Variants in PHF21A observed in about 807,000 individuals in gnomAD.
The protein encoded by PHF21A is BHC80a.
Under a neutral mutation model 82.5 loss-of-function variants are expected in PHF21A, and 11 were observed. That is an observed-to-expected ratio of 0.13 (90% CI 0.08 to 0.22). The LOEUF (loss-of-function observed/expected upper bound fraction) is 0.22. PHF21A is among the 10% of genes least tolerant of loss of function. The pLI, the probability that PHF21A is intolerant of heterozygous loss-of-function variation, is 1.00. For synonymous variants in PHF21A, 297 were observed against 302.8 expected, an observed-to-expected ratio of 0.98 and a Z score of 0.20; for missense variants, 579 against 837.8, an observed-to-expected ratio of 0.69 and a Z score of 3.81.
intron 15 of PHF21A, among the ~76,000 whole-genome samples, chr11:45,941,965 G>C (rs1014859335): frequency 2.0e-5 from 3 of 152,182 alleles, no homozygotes; most frequent in Non-Finnish European, 2.9e-5. Flanking sequence ...ATTATACCAA[G>C]TCCCTCAAAA....
intron 1 of PHF21A, chr11:46,116,683 G>A (rs1485390381): frequency 6.6e-6 from 1 of 152,054 alleles, no homozygotes; most frequent in Non-Finnish European, 1.5e-5. Context: ...AAAAATTTAG[G>A]CCGGGCGTGG....
intron 6 of PHF21A, among the ~76,000 whole-genome samples, chr11:46,016,366 G>T (rs919781831): frequency 6.6e-6 from 1 of 151,952 alleles, no homozygotes; most frequent in Non-Finnish European, 1.5e-5. Context: ...ACTATACTTC[G>T]CCTCCCATTA....
intron 6 of PHF21A, among the ~76,000 whole-genome samples, chr11:46,037,180 C>T (rs1054953851): frequency 1.3e-5 from 2 of 152,152 alleles, no homozygotes; most frequent in African/African-American, 4.8e-5. Context: ...ATTCGGTGCA[C>T]ATCCCTACCA....
At chr11:46,070,348 T>C (rs2096641774) in intron 6 of PHF21A, among the ~76,000 whole-genome samples, 1 of 152,182 alleles carries the variant, frequency 6.6e-6, no homozygotes, top group African/African-American at 2.4e-5. Flanking sequence ...TTTTTTTTTT[T>C]TGAGACGAGT....
At chr11:46,079,868 G>A (rs565694983) in intron 4 of PHF21A, among the ~76,000 whole-genome samples, 2 of 150,002 alleles carry the variant, frequency 1.3e-5, no homozygotes, top group Admixed American at 1.3e-4. Context: ...GGAAAGGAAA[G>A]GAAAGAGGAA....
intron 3 of PHF21A, among the ~76,000 whole-genome samples, 184 bp from the exon 4 acceptor site, chr11:46,084,486 T>G (rs1170266715): frequency 6.6e-6 from 1 of 151,816 alleles, no homozygotes; most frequent in African/African-American, 2.4e-5. Flanking sequence ...TTCAAATAAC[T>G]AAGAAATGAA....
At chr11:46,021,287 C>T (rs1303774277) in intron 6 of PHF21A, among the ~76,000 whole-genome samples, 2 of 152,108 alleles carry the variant, frequency 1.3e-5, no homozygotes, top group Non-Finnish European at 2.9e-5. Flanking sequence ...GTCTTGAACT[C>T]GTGGTCTCAA....
Position 46,092,532 on chromosome 11 carries a change from CA to C in PHF21A, c.-236-310del, listed in dbSNP as rs1018132736. ...AAATGCACCTCATTTAAATAACATA[CA>C]ACTACTCCTTCATCCCCAACAAGTG... On this transcript the variant is annotated intron_variant, in intron 1 of 18. Transcript: ENST00000676320. Among the ~76,000 whole-genome samples, 4 of 152,254 alleles carry C rather than the reference CA, an allele frequency of 2.6e-5. No homozygotes were observed. In the East Asian group the frequency reaches 5.8e-4, roughly 22 times the overall value.
intron 6 of PHF21A, among the ~76,000 whole-genome samples, chr11:46,008,972 T>C (rs905506351): frequency 1.5e-5 from 1 of 65,606 alleles, no homozygotes; most frequent in African/African-American, 7.2e-5. Flanking sequence ...CACATTTCAC[T>C]TTTTTTTTTT....
At chr11:46,022,504 T>G (rs1306208672) in intron 6 of PHF21A, among the ~76,000 whole-genome samples, 1 of 152,112 alleles carries the variant, frequency 6.6e-6, no homozygotes, top group Non-Finnish European at 1.5e-5. Context: ...CTTTGTCACC[T>G]AGGCTAGGTT....
At chr11:46,012,648 G>A (rs2095434814) in intron 6 of PHF21A, among the ~76,000 whole-genome samples, 2 of 152,132 alleles carry the variant, frequency 1.3e-5, no homozygotes, top group South Asian at 4.1e-4. Flanking sequence ...CTAGCACAGT[G>A]CCTAGAACAT....
At chr11:45,984,348 G>A (rs2094420563) in intron 6 of PHF21A, among the ~76,000 whole-genome samples, 1 of 152,148 alleles carries the variant, frequency 6.6e-6, no homozygotes, top group Admixed American at 6.5e-5. Context: ...CATAAACCCA[G>A]CATGTAACAA....
chr11:45,967,516 A>G (rs912045413), intron 9 of PHF21A, among the ~76,000 whole-genome samples: 1 of 152,168 alleles, frequency 6.6e-6, no homozygotes, highest in Non-Finnish European at 1.5e-5. Flanking sequence ...TGTAGTTTTT[A>G]TAAGATACAT....
intron 7 of PHF21A, among the ~76,000 whole-genome samples, chr11:45,974,252 C>T (rs774203644): frequency 6.6e-6 from 1 of 152,012 alleles, no homozygotes; most frequent in Non-Finnish European, 1.5e-5. Flanking sequence ...ATCTTTACCC[C>T]TACTCTGGTG....
intron 6 of PHF21A, among the ~76,000 whole-genome samples, chr11:46,064,751 T>C (rs990183670): frequency 5.9e-5 from 9 of 152,296 alleles, no homozygotes; most frequent in African/African-American, 1.2e-4. Flanking sequence ...ACGATAATGA[T>C]AGTTTATAGA....
At chr11:45,969,717 G>C (rs1342255231) in intron 9 of PHF21A, 98 bp downstream of exon 9, 1 of 761,378 alleles carries the variant, frequency 1.3e-6, no homozygotes, top group Non-Finnish European at 2.3e-6. Context: ...GGGATAGACA[G>C]CTGGGCTGAC....
At chr11:45,957,751 C>CAAAAAAAAAAAAAAAAATAAAAA (rs2092750679) in intron 10 of PHF21A, among the ~76,000 whole-genome samples, 1 of 60,894 alleles carries the variant, frequency 1.6e-5, no homozygotes, top group African/African-American at 6.0e-5. Flanking sequence ...AAATTCAAAG[C>CAAAAAAAAAAAAAAAAATAAAAA]AAAAAAAAAA....
Position 46,000,657 on chromosome 11 carries a change from C to T in PHF21A, c.154-20691G>A, listed in dbSNP as rs111638742. Among the ~76,000 whole-genome samples the T allele has an allele frequency of 7.6e-3, 1,156 of 152,222 alleles. 14 individuals carry two copies. The highest frequency in any genetic ancestry group is 0.027 in the African/African-American group (1,109 of 41,536). On this transcript the variant is annotated intron_variant, in intron 6 of 18. Transcript: ENST00000676320. ...ATTTATGGCTGGGCATGGTGTCTCACGTCTGTAATCCCAGTACTTTGGGAG... is the reference window on the plus strand; with the variant it reads ...ATTTATGGCTGGGCATGGTGTCTCATGTCTGTAATCCCAGTACTTTGGGAG...
chr11:45,935,762 A>G, intron 17 of PHF21A, 23 bp from the exon 18 acceptor site: 1 of 971,608 alleles, frequency 1.0e-6, no homozygotes, highest in Non-Finnish European at 1.6e-6. Flanking sequence ...AAAAAAAAAA[A>G]AAGGAACGGT....
Sources: allele counts gnomAD v4.1 joint callset (sites outside exome capture counted in the v4.1 genomes callset), GRCh38; gene constraint gnomAD v4.1.1; transcripts MANE v1.5; gene names NCBI Gene and HGNC (gene_info 2026-07-23, HGNC 2026-07-21).